The following SLC35D2 variants were observed in gnomAD, a reference collection of about 807,000 sequenced individuals.
SLC35D2 encodes solute carrier family 35 member D2, also known as nucleotide sugar transporter SLC35D2.
SLC35D2 carries 43 observed loss-of-function variants against 41.8 expected under a neutral mutation model. The observed-to-expected ratio is 1.03, with a 90% CI of 0.81 to 1.33. The LOEUF (loss-of-function observed/expected upper bound fraction) is 1.33. Ranked by LOEUF, SLC35D2 falls within the 40% of genes most tolerant of loss-of-function variation. SLC35D2 has a pLI of 0.00. For synonymous variants in SLC35D2, 150 were observed against 163.9 expected, an observed-to-expected ratio of 0.92 and a Z score of 0.65; for missense variants, 380 against 408.4, an observed-to-expected ratio of 0.93 and a Z score of 0.60.
At chr9:96,348,394 T>C (rs1441005123) in intron 6 of SLC35D2, among the ~76,000 whole-genome samples, 1 of 152,188 alleles carries the variant, frequency 6.6e-6, no homozygotes, top group Non-Finnish European at 1.5e-5. Context: ...CCTGGATCCC[T>C]GAGTGAACAC....
intron 1 of SLC35D2, among the ~76,000 whole-genome samples, chr9:96,376,550 A>C (rs1830970173): frequency 1.3e-5 from 2 of 152,186 alleles, no homozygotes; most frequent in South Asian, 4.1e-4. Flanking sequence ...TGGAGATTGC[A>C]GTGAGCCGAG....
chr9:96,360,963 G>A (rs1169263458), intron 3 of SLC35D2, among the ~76,000 whole-genome samples: 4 of 151,962 alleles, frequency 2.6e-5, no homozygotes, highest in Non-Finnish European at 4.4e-5. Context: ...GGCTGGTCTC[G>A]AACTCCTGGT....
intron 3 of SLC35D2, 51 bp from the exon 4 acceptor site, chr9:96,360,272 T>C (rs1207444105): frequency 2.2e-6 from 3 of 1,356,956 alleles, no homozygotes; most frequent in Non-Finnish European, 3.1e-6. Context: ...CCAATAAGCA[T>C]TTTCCTTCAC....
intron 9 of SLC35D2, among the ~76,000 whole-genome samples, chr9:96,329,513 C>T (rs1047767283): frequency 6.6e-6 from 1 of 152,178 alleles, no homozygotes; most frequent in Non-Finnish European, 1.5e-5. Context: ...CAGGCATGAG[C>T]CACTGTGTCT....
chr9:96,381,864 C>T (rs1394148735), intron 1 of SLC35D2, among the ~76,000 whole-genome samples: 2 of 152,150 alleles, frequency 1.3e-5, no homozygotes, highest in Non-Finnish European at 2.9e-5. Context: ...TCTCTCTGTT[C>T]CTCCAGCAGC....
At chr9:96,375,029 T>C (rs1830880763) in intron 1 of SLC35D2, among the ~76,000 whole-genome samples, 2 of 149,540 alleles carry the variant, frequency 1.3e-5, no homozygotes, top group East Asian at 4.1e-4. Context: ...TCTCACTCTG[T>C]TGCCCAGGCT....
At chr9:96,371,475 A>G (rs1372475782) in intron 1 of SLC35D2, among the ~76,000 whole-genome samples, 3 of 34,834 alleles carry the variant, frequency 8.6e-5, no homozygotes, top group African/African-American at 3.4e-4. Flanking sequence ...ACTCTGTCTC[A>G]AAAAAAAAAA....
chr9:96,322,648 G>C (rs114114673), intron 10 of SLC35D2, among the ~76,000 whole-genome samples: 3,428 of 152,012 alleles, frequency 0.023, 139 homozygotes, highest in African/African-American at 0.078. Context: ...AAAAGAGGAA[G>C]AGTGGGGCTG....
chr9:96,369,411 C>A (rs902657561), intron 1 of SLC35D2, among the ~76,000 whole-genome samples: 4 of 152,082 alleles, frequency 2.6e-5, no homozygotes, highest in African/African-American at 9.7e-5. Flanking sequence ...TTTGTGGAAA[C>A]TGGCAATCTG....
chr9:96,338,472 C>T (rs1002620163), intron 8 of SLC35D2, among the ~76,000 whole-genome samples: 9 of 151,620 alleles, frequency 5.9e-5, no homozygotes, highest in Non-Finnish European at 8.8e-5. Flanking sequence ...GGGAGGATCA[C>T]CTGAGCCCAG....
At chr9:96,382,228 G>A (rs1831223888) in intron 1 of SLC35D2, among the ~76,000 whole-genome samples, 1 of 151,728 alleles carries the variant, frequency 6.6e-6, no homozygotes, top group African/African-American at 2.4e-5. Flanking sequence ...TGTAATCACA[G>A]CACTTTGGGA....
chr9:96,322,716 G>GTTTT (rs1564082381), intron 10 of SLC35D2, among the ~76,000 whole-genome samples: 1 of 92,256 alleles, frequency 1.1e-5, no homozygotes, highest in African/African-American at 6.6e-5. Context: ...GGTTTTCTGG[G>GTTTT]GTTTTTTTTT....
intron 3 of SLC35D2, 123 bp from the exon 4 acceptor site, chr9:96,360,344 A>T: frequency 1.2e-6 from 1 of 807,204 alleles, no homozygotes; most frequent in Admixed American, 2.4e-5. Flanking sequence ...TAAAAAAATG[A>T]TTTTGGCGGG....
intron 2 of SLC35D2, among the ~76,000 whole-genome samples, chr9:96,367,736 T>C (rs1176748522): frequency 2.0e-5 from 3 of 151,686 alleles, no homozygotes; most frequent in African/African-American, 7.3e-5. Context: ...GAGTCGACAT[T>C]GTGCCATCGC....
At position 96,324,155 on chromosome 9, in the gene SLC35D2, T is replaced by A. The variant is rs1329380798; in HGVS notation, c.767A>T (p.Tyr256Phe). 10 of 1,613,266 alleles carry A rather than the reference T, an allele frequency of 6.2e-6. No individual in the cohort carries two copies. The highest frequency in any genetic ancestry group is 7.6e-6 in the Non-Finnish European group (9 of 1,179,674). The change falls in exon 10 of 12, where the codon TAC becomes TTC. Residue 256 changes from tyrosine to phenylalanine, a missense_variant. By Grantham distance (22) the Tyr-to-Phe change is conservative. Transcript: ENST00000253270. The part of the protein sequence containing the change: ...LSCFLGFLLM[Y>F]STVLCSYYNS... Reference sequence around the variant, plus strand: ...GTAATAGCTGCACAGAACCGTGGAGTACATCAGCAGAAACCTGTGACAAGG... The same window carrying A: ...GTAATAGCTGCACAGAACCGTGGAGAACATCAGCAGAAACCTGTGACAAGG...
At chr9:96,354,364 T>G (rs749683649) in intron 4 of SLC35D2, among the ~76,000 whole-genome samples, 2 of 152,122 alleles carry the variant, frequency 1.3e-5, no homozygotes, top group Admixed American at 6.5e-5. Context: ...TCCTAAGGGA[T>G]CCACTTAAAA....
At chr9:96,361,869 C>A (rs1830292041) in intron 3 of SLC35D2, among the ~76,000 whole-genome samples, 1 of 152,148 alleles carries the variant, frequency 6.6e-6, no homozygotes, top group Non-Finnish European at 1.5e-5. Flanking sequence ...GACTTCCAGC[C>A]TCCAGAACTG....
intron 5 of SLC35D2, 46 bp from the exon 6 acceptor site, chr9:96,351,217 A>G (rs1443807090): frequency 7.7e-7 from 1 of 1,299,770 alleles, no homozygotes; most frequent in East Asian, 2.3e-5. Context: ...CAGAGAGGAA[A>G]ACATTGAAAT....
intron 9 of SLC35D2, among the ~76,000 whole-genome samples, chr9:96,336,200 A>G (rs932347179): frequency 5.3e-5 from 8 of 152,178 alleles, no homozygotes; most frequent in Non-Finnish European, 8.8e-5. Flanking sequence ...TCACATAATT[A>G]TTTGAGGAAG....
Sources: gnomAD v4.1 joint callset for allele counts (sites outside exome capture counted in the v4.1 genomes callset) on GRCh38, gnomAD v4.1.1 for gene constraint, MANE v1.5 for transcripts, NCBI Gene and HGNC (gene_info 2026-07-23, HGNC 2026-07-21) for gene names.